Variants in ZNF366 observed in about 807,000 individuals in gnomAD.
ZNF366 encodes zinc finger protein 366, also known as dendritic cell-specific transcript protein.
Under a neutral mutation model 47.2 loss-of-function variants are expected in ZNF366, and 20 were observed. The ratio of observed to expected loss-of-function variants is 0.42; its 90% CI spans 0.30 to 0.62. The LOEUF (loss-of-function observed/expected upper bound fraction) is 0.62. Among genes scored for constraint, ZNF366 ranks in the 20% least tolerant of loss-of-function variants. The probability of loss-of-function intolerance (pLI) is 0.16; values close to 1 mark genes in which losing one functional copy is unlikely to be tolerated. For synonymous variants in ZNF366, 421 were observed against 395.1 expected (o/e 1.07, Z -0.78); for missense variants, 987 against 976.3 (o/e 1.01, Z -0.15).
intron 1 of ZNF366, among the ~76,000 whole-genome samples, chr5:72,483,693 G>T (rs1034396150): frequency 6.6e-6 from 1 of 152,152 alleles, no homozygotes; most frequent in Admixed American, 6.5e-5. Flanking sequence ...TCTAGATATT[G>T]ATCCTAAACT....
intron 1 of ZNF366, among the ~76,000 whole-genome samples, chr5:72,487,460 C>T (rs1340532817): frequency 6.6e-6 from 1 of 152,106 alleles, no homozygotes; most frequent in African/African-American, 2.4e-5. Context: ...AATTTGATTC[C>T]AAGTCATTTC....
chr5:72,459,167 C>T (rs1743251617), intron 2 of ZNF366, among the ~76,000 whole-genome samples: 1 of 152,194 alleles, frequency 6.6e-6, no homozygotes, highest in Admixed American at 6.5e-5. Context: ...GTGTTTTGTC[C>T]TAACCTAAGA....
In ZNF366 at chr5:72,474,652, G is replaced by GCACA. The variant is rs60932161; in HGVS notation, c.-14-13146_-14-13143dup. Among the ~76,000 whole-genome samples, 412 of 147,138 alleles carry GCACA rather than the reference G, an allele frequency of 2.8e-3. 2 individuals carry two copies. Among genetic ancestry groups the GCACA allele is most frequent in the African/African-American group, 8.4e-3 (340 of 40,348 alleles). On this transcript the variant is annotated intron_variant, in intron 1 of 4. Transcript: ENST00000318442. ...TTCTTTGTCTCAAATGTACACCCAT[G>GCACA]CACACACACACACACACACACACAG...
At chr5:72,496,980 T>A (rs1744124118) in intron 1 of ZNF366, among the ~76,000 whole-genome samples, 1 of 152,190 alleles carries the variant, frequency 6.6e-6, no homozygotes, top group Non-Finnish European at 1.5e-5. Context: ...TTGGGTTGTT[T>A]CCCTTAAGAG....
chr5:72,482,823 C>T (rs533347024), intron 1 of ZNF366, among the ~76,000 whole-genome samples: 182 of 150,726 alleles, frequency 1.2e-3, no homozygotes, highest in Middle Eastern at 6.8e-3. Flanking sequence ...AAATGCCTGA[C>T]ATTTAAGAAA....
intron 1 of ZNF366, among the ~76,000 whole-genome samples, chr5:72,475,137 G>A (rs1743647495): frequency 1.3e-5 from 2 of 152,152 alleles, no homozygotes; most frequent in African/African-American, 4.8e-5. Flanking sequence ...AAAGGCCAGA[G>A]TTACCATCTT....
intron 3 of ZNF366, among the ~76,000 whole-genome samples, chr5:72,450,641 T>G (rs1743047831): frequency 6.6e-6 from 1 of 152,112 alleles, no homozygotes; most frequent in African/African-American, 2.4e-5. Flanking sequence ...TAGAGCCAAT[T>G]AACACAGGAC....
intron 4 of ZNF366, among the ~76,000 whole-genome samples, chr5:72,444,868 G>T (rs73104418): frequency 0.046 from 6,936 of 151,934 alleles, 494 homozygotes; most frequent in African/African-American, 0.15. Context: ...TGGAAGGAGG[G>T]ATGTCAAAAT....
chr5:72,469,361 A>G (rs1185977422), intron 1 of ZNF366, among the ~76,000 whole-genome samples: 3 of 152,246 alleles, frequency 2.0e-5, no homozygotes, highest in African/African-American at 7.2e-5. Flanking sequence ...AATGTTAAAA[A>G]ATATAAAAGA....
chr5:72,484,419 G>A lies in ZNF366; in HGVS notation c.-15+22832C>T, dbSNP rs1173720026. Among the ~76,000 whole-genome samples the A allele has an allele frequency of 2.0e-5, 3 of 148,294 alleles. No individual in the cohort carries two copies. The East Asian group carries it at 5.9e-4, about 29-fold the overall frequency. On this transcript the variant is annotated intron_variant, in intron 1 of 4. Coordinates refer to ENST00000318442, the MANE Select transcript of ZNF366 (RefSeq NM_152625.3). The stretch of plus-strand genomic sequence containing the variant: ...GAATGGCGTGAACCCGGGAGGCGGA[G>A]CTTGCAGTGAGCCGAGATCCCGCCA...
rs1437548959 is a variant in ZNF366 at position 72,443,480 on chromosome 5, C to T, written c.*276G>A. 5.8e-6 allele frequency: 2 copies of T among 344,458 alleles called. No homozygotes were observed. Among genetic ancestry groups the T allele is most frequent in the East Asian group, 1.0e-4 (2 of 19,298 alleles). 21.3% of individuals were successfully genotyped at this position (344,458 alleles called of 1,614,324 possible). A position where few individuals can be genotyped will look rare whatever the true frequency, so the allele number is the denominator to read the frequency against. The stretch of plus-strand genomic sequence containing the variant: ...ATTTCTAAAAGCACCTCAGCATCAG[C>T]TTACAATTAGATATCTGGAAGAATA... On this transcript the variant is annotated 3_prime_UTR_variant, in exon 5 of 5. Transcript: ENST00000318442.
chr5:72,461,000 G>A lies in ZNF366; in HGVS notation c.497C>T (p.Pro166Leu). Reference sequence around the variant, plus strand: ...GTAGGGCGTGGGCAGGAATGGAGTGGGCGTTGGCTGGGGCCACACGGCGCT... The same window carrying A: ...GTAGGGCGTGGGCAGGAATGGAGTGAGCGTTGGCTGGGGCCACACGGCGCT... ...KPSAVWPQPTPTPFLPTPYPY... is the reference protein window; with the variant it reads ...KPSAVWPQPTLTPFLPTPYPY... Residue 166 changes from proline (P) to leucine (L), a missense_variant, in exon 2 of 5, where the codon CCC (proline) becomes CTC (leucine). This residue lies in a region of ZNF366 where 591 missense variants were observed against 560.9 expected (regional missense o/e 1.05). Transcript: ENST00000318442. 1.2e-6 allele frequency: 2 copies of A among 1,614,102 alleles called. No homozygotes were observed. The highest frequency in any genetic ancestry group is 2.2e-5 in the East Asian group (1 of 44,870).
chr5:72,462,749 C>A (rs1190079474), intron 1 of ZNF366, among the ~76,000 whole-genome samples: 8 of 152,028 alleles, frequency 5.3e-5, no homozygotes, highest in Non-Finnish European at 1.2e-4. Flanking sequence ...CGGGGTTTCA[C>A]CATGTTGGCC....
At chr5:72,505,070 A>G (rs1026886665) in intron 1 of ZNF366, among the ~76,000 whole-genome samples, 2 of 152,226 alleles carry the variant, frequency 1.3e-5, no homozygotes, top group Admixed American at 1.3e-4. Flanking sequence ...GTGTATAAGA[A>G]ATTGTAATTT....
In ZNF366 at chr5:72,460,678, C is replaced by T. The variant is rs990287252; in HGVS notation, c.819G>A (p.Leu273=). 3.1e-6 allele frequency: 5 copies of T among 1,614,118 alleles called. No homozygotes were observed. Among genetic ancestry groups the T allele is most frequent in the East Asian group, 2.2e-5 (1 of 44,894 alleles). ...TSKYNLVTHI[L]GHSGIKPHAC... ...CGTGCGGCTTGATCCCACTGTGGCC[C>T]AGGATGTGGGTGACCAGGTTGTACT... Residue 273 remains leucine, a synonymous_variant, in exon 2 of 5, where the codon CTG becomes CTA. Coordinates refer to ENST00000318442, the MANE Select transcript of ZNF366 (RefSeq NM_152625.3).
intron 1 of ZNF366, among the ~76,000 whole-genome samples, chr5:72,501,159 T>G (rs1170050856): frequency 1.3e-5 from 2 of 152,196 alleles, no homozygotes; most frequent in Non-Finnish European, 2.9e-5. Flanking sequence ...AACCTAGTAA[T>G]GACTCCTCCA....
At chr5:72,481,273 TTAAA>T (rs1221317247) in intron 1 of ZNF366, among the ~76,000 whole-genome samples, 1 of 152,188 alleles carries the variant, frequency 6.6e-6, no homozygotes, top group East Asian at 1.9e-4. Context: ...TTAATGACCT[TTAAA>T]TAGTATAATT....
intron 4 of ZNF366, 96 bp downstream of exon 4, chr5:72,447,147 A>G: frequency 1.4e-6 from 2 of 1,409,652 alleles, no homozygotes; most frequent in South Asian, 2.7e-5. Flanking sequence ...TGGTCTTGAC[A>G]AGAATAACCC....
In ZNF366 at chr5:72,480,797, G is replaced by A. The variant is rs537134317; in HGVS notation, c.-14-19287C>T. ...TACAAGCAAATTCAATCTAGAGTTTGCAAAATTGCCTATAGTTTCTAAAAC... is the reference window on the plus strand; with the variant it reads ...TACAAGCAAATTCAATCTAGAGTTTACAAAATTGCCTATAGTTTCTAAAAC... On this transcript the variant is annotated intron_variant, in intron 1 of 4. Coordinates refer to ENST00000318442, the MANE Select transcript of ZNF366 (RefSeq NM_152625.3). Among the ~76,000 whole-genome samples the A allele has an allele frequency of 6.6e-5, 10 of 152,304 alleles. No individual in the cohort carries two copies. The South Asian group carries it at 2.1e-3, about 32-fold the overall frequency.
Sources: gnomAD v4.1 joint callset for allele counts (sites outside exome capture counted in the v4.1 genomes callset) on GRCh38, gnomAD v4.1.1 for gene constraint, gnomAD v4.1.1 regional missense constraint, MANE v1.5 for transcripts, NCBI Gene and HGNC (gene_info 2026-07-23, HGNC 2026-07-21) for gene names.